The following MCPH1 variants were observed in gnomAD, a reference collection of about 807,000 sequenced individuals.
The protein encoded by MCPH1 is microcephalin 1.
A neutral mutation model predicts 84.5 loss-of-function variants in MCPH1; 104 were observed. The ratio of observed to expected loss-of-function variants is 1.23; its 90% CI spans 1.05 to 1.45. MCPH1 has a LOEUF of 1.45. MCPH1 is among the 40% of genes most tolerant of loss of function. The pLI is 0.00. For missense variants in MCPH1, 1,498 were observed against 1,005.7 expected (o/e 1.49, Z -6.62); for synonymous variants, 514 against 366.8 (o/e 1.40, Z -4.58).
chr8:6,446,319 G>T lies in MCPH1; in HGVS notation c.1825+772G>T, dbSNP rs1004992343. The T allele has an allele frequency of 2.5e-4, 243 of 985,190 alleles. 1 individual carries two copies. In the African/African-American group the frequency reaches 4.0e-3, roughly 16 times the overall value. 61.0% of individuals were successfully genotyped at this position (985,190 alleles called of 1,614,324 possible). A position where few individuals can be genotyped will look rare whatever the true frequency, so the allele number is the denominator to read the frequency against. On this transcript the variant is annotated intron_variant, in intron 8 of 13. Coordinates refer to ENST00000344683, the MANE Select transcript of MCPH1 (RefSeq NM_024596.5). ...TTGACCGTCTTTACCTAAAGATTAGGTTAAAATTTGAGTGAGAACGCATTC... is the reference window on the plus strand; with the variant it reads ...TTGACCGTCTTTACCTAAAGATTAGTTTAAAATTTGAGTGAGAACGCATTC...
intron 12 of MCPH1, among the ~76,000 whole-genome samples, chr8:6,573,815 G>A (rs1226686737): frequency 6.6e-6 from 1 of 152,196 alleles, no homozygotes; most frequent in Non-Finnish European, 1.5e-5. Flanking sequence ...AAAGAGGGGA[G>A]CCCATCCCTG....
chr8:6,610,515 T>G (rs930437633), intron 12 of MCPH1, among the ~76,000 whole-genome samples: 5 of 152,192 alleles, frequency 3.3e-5, no homozygotes, highest in Non-Finnish European at 5.9e-5. Context: ...AGCCATAATC[T>G]TCCTCCAGTC....
At chr8:6,606,367 A>G (rs1362528504) in intron 12 of MCPH1, among the ~76,000 whole-genome samples, 1 of 152,230 alleles carries the variant, frequency 6.6e-6, no homozygotes, top group Non-Finnish European at 1.5e-5. Context: ...GAAAATTCCC[A>G]ACAGTCCGTG....
At chr8:6,428,387 A>T (rs1264758854) in intron 3 of MCPH1, among the ~76,000 whole-genome samples, 2 of 152,206 alleles carry the variant, frequency 1.3e-5, no homozygotes, top group Non-Finnish European at 2.9e-5. Context: ...ACTGTTGTGT[A>T]TGTGGTCTGT....
chr8:6,448,439 C>A (rs1804689963), intron 8 of MCPH1, among the ~76,000 whole-genome samples: 1 of 152,196 alleles, frequency 6.6e-6, no homozygotes, highest in Non-Finnish European at 1.5e-5. Flanking sequence ...CAGTCTCTGA[C>A]AAGGCGGGCA....
At chr8:6,574,582 C>G (rs1300001262) in intron 12 of MCPH1, among the ~76,000 whole-genome samples, 1 of 152,064 alleles carries the variant, frequency 6.6e-6, no homozygotes, top group Non-Finnish European at 1.5e-5. Flanking sequence ...CTAAAGGGGA[C>G]AGAAAACTAA....
chr8:6,623,338 C>A lies in MCPH1; in HGVS notation c.2452+1647C>A, dbSNP rs532235488. 2.0e-5 allele frequency among the ~76,000 whole-genome samples: 3 copies of A among 151,936 alleles called. No individual in the cohort carries two copies. In the East Asian group the frequency reaches 5.8e-4, roughly 29 times the overall value. On this transcript the variant is annotated intron_variant, in intron 13 of 13. Coordinates refer to ENST00000344683, the MANE Select transcript of MCPH1 (RefSeq NM_024596.5). ...CCTTACCCGACTTTAGAGGTACATCCCCTCTCTCTCTCTCAATCTCTCTCT... is the reference window on the plus strand; with the variant it reads ...CCTTACCCGACTTTAGAGGTACATCACCTCTCTCTCTCTCAATCTCTCTCT...
At chr8:6,453,935 C>A (rs4841082) in intron 8 of MCPH1, among the ~76,000 whole-genome samples, 1 of 151,972 alleles carries the variant, frequency 6.6e-6, no homozygotes, top group East Asian at 1.9e-4. Context: ...ACCTTAAAAT[C>A]TGTCCAGGGC....
At chr8:6,414,968 G>C in intron 3 of MCPH1, 85 bp downstream of exon 3, 1 of 1,360,070 alleles carries the variant, frequency 7.4e-7, no homozygotes, top group Non-Finnish European at 1.0e-6. Context: ...CGCAGAACCA[G>C]ATAAAGTTTG....
intron 12 of MCPH1, among the ~76,000 whole-genome samples, chr8:6,529,621 T>TG (rs1819065775): frequency 7.3e-6 from 1 of 136,372 alleles, no homozygotes; most frequent in Non-Finnish European, 1.6e-5. Context: ...CACGCCTGGC[T>TG]AATTTTTTTT....
At chr8:6,535,596 A>G (rs1488211678) in intron 12 of MCPH1, among the ~76,000 whole-genome samples, 3 of 152,236 alleles carry the variant, frequency 2.0e-5, no homozygotes, top group Non-Finnish European at 4.4e-5. Flanking sequence ...ATATATGTAT[A>G]TAGTGTCTAT....
At chr8:6,638,952 G>A (rs539006818) in intron 13 of MCPH1, among the ~76,000 whole-genome samples, 25 of 152,170 alleles carry the variant, frequency 1.6e-4, no homozygotes, top group Non-Finnish European at 2.9e-4. Context: ...AGCCCCATGC[G>A]CACCTCAACG....
intron 12 of MCPH1, among the ~76,000 whole-genome samples, chr8:6,553,776 C>G (rs186288478): frequency 6.6e-6 from 1 of 151,928 alleles, no homozygotes; most frequent in Non-Finnish European, 1.5e-5. Context: ...CCTTTTGGGA[C>G]TTCTTGAGCA....
chr8:6,631,985 G>A (rs1797195792), intron 13 of MCPH1, among the ~76,000 whole-genome samples: 1 of 152,184 alleles, frequency 6.6e-6, no homozygotes, highest in Admixed American at 6.5e-5. Context: ...TCCATACAGT[G>A]GAATATTATT....
At chr8:6,489,266 G>C (rs1359000684) in intron 11 of MCPH1, among the ~76,000 whole-genome samples, 2 of 152,004 alleles carry the variant, frequency 1.3e-5, no homozygotes, top group Non-Finnish European at 2.9e-5. Flanking sequence ...AAAACAGTGA[G>C]TTTAGGTTTG....
chr8:6,571,592 T>C (rs1257147330), intron 12 of MCPH1, among the ~76,000 whole-genome samples: 2 of 152,166 alleles, frequency 1.3e-5, no homozygotes, highest in East Asian at 3.8e-4. Context: ...ATTTTTATCT[T>C]AATTATTGAG....
chr8:6,555,478 T>C (rs1459927305), intron 12 of MCPH1, among the ~76,000 whole-genome samples: 2 of 151,656 alleles, frequency 1.3e-5, no homozygotes, highest in Non-Finnish European at 2.9e-5. Flanking sequence ...TTTTTTTTTT[T>C]GGAGACAGGA....
intron 13 of MCPH1, among the ~76,000 whole-genome samples, chr8:6,637,731 G>A (rs564772533): frequency 1.4e-3 from 211 of 152,236 alleles, no homozygotes; most frequent in African/African-American, 4.8e-3. Flanking sequence ...GGGCTCAACG[G>A]ATCCTCCTAA....
At chr8:6,478,134 C>G (rs1354400686) in intron 10 of MCPH1, among the ~76,000 whole-genome samples, 1 of 152,230 alleles carries the variant, frequency 6.6e-6, no homozygotes, top group East Asian at 1.9e-4. Context: ...TTTTGAATTC[C>G]TGTTTAAAGG....
Sources: gnomAD v4.1 joint callset for allele counts (sites outside exome capture counted in the v4.1 genomes callset) on GRCh38, gnomAD v4.1.1 for gene constraint, MANE v1.5 for transcripts, NCBI Gene and HGNC (gene_info 2026-07-23, HGNC 2026-07-21) for gene names.